The following TSPAN9 variants were observed in gnomAD, a reference collection of about 807,000 sequenced individuals.
The protein encoded by TSPAN9 is tetraspanin-9.
In TSPAN9, 16 loss-of-function variants were observed where a neutral mutation model predicts 31.0. The ratio of observed to expected loss-of-function variants is 0.52; its 90% CI spans 0.35 to 0.78. The LOEUF (loss-of-function observed/expected upper bound fraction) is 0.78. TSPAN9 is among the 30% of genes least tolerant of loss of function. The pLI, the probability that TSPAN9 is intolerant of heterozygous loss-of-function variation, is 0.01. For synonymous variants in TSPAN9, 145 were observed against 121.6 expected (o/e 1.19, Z -1.27); for missense variants, 272 against 312.5 (o/e 0.87, Z 0.98).
chr12:3,121,543 T>G lies in TSPAN9; in HGVS notation c.-18+37824T>G, dbSNP rs1279521314. Among the ~76,000 whole-genome samples the G allele has an allele frequency of 8.6e-5, 12 of 139,878 alleles. No homozygotes were observed. In the East Asian group the frequency reaches 1.8e-3, roughly 21 times the overall value. The allele number at this position is 139,878 out of a possible 152,430, so 91.8% of individuals were successfully genotyped here. ...TCTGGCTAATTAAAACTTTTTTTTT[T>G]TTTTTTTTTTTTTTTGTAGAGACAA... On this transcript the variant is annotated intron_variant, in intron 2 of 8. Coordinates refer to ENST00000011898, the MANE Select transcript of TSPAN9 (RefSeq NM_006675.5).
intron 3 of TSPAN9, among the ~76,000 whole-genome samples, chr12:3,203,910 G>A (rs886123340): frequency 6.6e-6 from 1 of 152,170 alleles, no homozygotes; most frequent in Non-Finnish European, 1.5e-5. Context: ...CTGCAGGCTG[G>A]TGCTTGGCCT....
chr12:3,235,514 T>A (rs1377790273), intron 3 of TSPAN9, among the ~76,000 whole-genome samples: 1 of 151,764 alleles, frequency 6.6e-6, no homozygotes, highest in Non-Finnish European at 1.5e-5. Context: ...TCAGAGGAGA[T>A]CATGTTTGTG....
At chr12:3,124,565 C>A (rs1012546174) in intron 2 of TSPAN9, among the ~76,000 whole-genome samples, 1 of 151,780 alleles carries the variant, frequency 6.6e-6, no homozygotes, top group Admixed American at 6.6e-5. Context: ...GCACAACCAA[C>A]ACGCGTGGCT....
intron 2 of TSPAN9, among the ~76,000 whole-genome samples, chr12:3,181,719 A>T (rs768893779): frequency 1.7e-4 from 26 of 152,274 alleles, no homozygotes; most frequent in Admixed American, 1.4e-3. Flanking sequence ...ACTGGGACTC[A>T]CACCTGGGCC....
chr12:3,136,942 C>G (rs1001606900), intron 2 of TSPAN9, among the ~76,000 whole-genome samples: 1 of 152,214 alleles, frequency 6.6e-6, no homozygotes, highest in African/African-American at 2.4e-5. Flanking sequence ...TGCCAGAACC[C>G]CTGCCCCGTC....
chr12:3,190,328 G>T (rs1178798230), intron 2 of TSPAN9, among the ~76,000 whole-genome samples: 2 of 152,376 alleles, frequency 1.3e-5, no homozygotes, highest in African/African-American at 4.8e-5. Context: ...ATAAGTCGCA[G>T]GCTTCATCAC....
In TSPAN9 at chr12:3,138,227, G is replaced by C. The variant is rs142233069; in HGVS notation, c.-18+54508G>C. Among the ~76,000 whole-genome samples the C allele has an allele frequency of 8.4e-3, 1,278 of 152,298 alleles. 10 individuals are homozygous for C. Among genetic ancestry groups the C allele is most frequent in the Non-Finnish European group, 0.015 (994 of 68,010 alleles). ...TGGGGCGGGTGTAGCTGGCACACCTGTTAGGAATGAGGCATCTCCTTAGTG... is the reference window on the plus strand; with the variant it reads ...TGGGGCGGGTGTAGCTGGCACACCTCTTAGGAATGAGGCATCTCCTTAGTG... On this transcript the variant is annotated intron_variant, in intron 2 of 8. Coordinates refer to ENST00000011898, the MANE Select transcript of TSPAN9 (RefSeq NM_006675.5).
Position 3,077,419 on chromosome 12 carries a change from G to C in TSPAN9, c.-119G>C, listed in dbSNP as rs1231531060. Reference sequence around the variant, plus strand: ...GGCGGCGGCGGCGGTGCCGGAGCGCGAGCAGAGCGGAGACCCCCAGGTCCT... The same window carrying C: ...GGCGGCGGCGGCGGTGCCGGAGCGCCAGCAGAGCGGAGACCCCCAGGTCCT... On this transcript the variant is annotated 5_prime_UTR_variant, in exon 1 of 9. Coordinates refer to ENST00000011898, the MANE Select transcript of TSPAN9 (RefSeq NM_006675.5). The C allele has an allele frequency of 6.6e-6, 1 of 151,094 alleles. No individual in the cohort carries two copies. The highest frequency in any genetic ancestry group is 1.5e-5 in the Non-Finnish European group (1 of 67,900). 9.4% of individuals were successfully genotyped at this position (151,094 alleles called of 1,614,324 possible). A position where few individuals can be genotyped will look rare whatever the true frequency, so the allele number is the denominator to read the frequency against.
chr12:3,268,071 A>G (rs1030893294), intron 3 of TSPAN9, among the ~76,000 whole-genome samples: 7 of 152,216 alleles, frequency 4.6e-5, no homozygotes, highest in African/African-American at 1.4e-4. Context: ...CGAAGCCTCC[A>G]GTGGAGGCCA....
At chr12:3,227,358 G>C (rs1172072522) in intron 3 of TSPAN9, among the ~76,000 whole-genome samples, 1 of 152,172 alleles carries the variant, frequency 6.6e-6, no homozygotes, top group African/African-American at 2.4e-5. Context: ...AGGCTTTGGA[G>C]AGCAGCTTTA....
At chr12:3,109,776 C>T (rs1181493397) in intron 2 of TSPAN9, among the ~76,000 whole-genome samples, 3 of 113,852 alleles carry the variant, frequency 2.6e-5, no homozygotes, top group Non-Finnish European at 5.2e-5. Flanking sequence ...CCAGCCTGGG[C>T]AACAAGAGCA....
intron 3 of TSPAN9, among the ~76,000 whole-genome samples, chr12:3,227,035 C>A (rs927146074): frequency 6.6e-6 from 1 of 151,376 alleles, no homozygotes; most frequent in African/African-American, 2.4e-5. Flanking sequence ...CTGACACTTA[C>A]CTGCATGTCT....
At chr12:3,265,584 G>T (rs913104851) in intron 3 of TSPAN9, among the ~76,000 whole-genome samples, 14 of 152,186 alleles carry the variant, frequency 9.2e-5, no homozygotes, top group Non-Finnish European at 1.3e-4. Context: ...AGCAAAGCAG[G>T]TAGTCGCCCT....
intron 2 of TSPAN9, among the ~76,000 whole-genome samples, chr12:3,096,296 G>T (rs1329227091): frequency 2.6e-5 from 4 of 152,132 alleles, no homozygotes; most frequent in African/African-American, 9.7e-5. Flanking sequence ...TCTACCTCCC[G>T]ATTCCCCACG....
intron 3 of TSPAN9, among the ~76,000 whole-genome samples, chr12:3,206,886 A>G (rs912131139): frequency 2.0e-5 from 3 of 152,234 alleles, no homozygotes; most frequent in South Asian, 2.1e-4. Flanking sequence ...TGAAGGATGA[A>G]TAGGAGCTTG....
chr12:3,242,817 T>G (rs1246122651), intron 3 of TSPAN9, among the ~76,000 whole-genome samples: 1 of 152,244 alleles, frequency 6.6e-6, no homozygotes, highest in African/African-American at 2.4e-5. Context: ...TCATGTCTAT[T>G]CTGGTTTCTT....
At chr12:3,238,042 C>CCTTCCCTCCT (rs1266773709) in intron 3 of TSPAN9, among the ~76,000 whole-genome samples, 1 of 152,108 alleles carries the variant, frequency 6.6e-6, no homozygotes, top group African/African-American at 2.4e-5. Context: ...CTCTCCTCTT[C>CCTTCCCTCCT]CTTCCCTCCT....
intron 3 of TSPAN9, among the ~76,000 whole-genome samples, chr12:3,223,054 C>A (rs1226118879): frequency 6.6e-6 from 1 of 152,242 alleles, no homozygotes; most frequent in African/African-American, 2.4e-5. Flanking sequence ...CTGTCCTCCC[C>A]TGTCTATTAA....
At chr12:3,086,740 C>A (rs981451798) in intron 2 of TSPAN9, among the ~76,000 whole-genome samples, 1 of 152,228 alleles carries the variant, frequency 6.6e-6, no homozygotes, top group African/African-American at 2.4e-5. Flanking sequence ...CTAACTCTCA[C>A]AGCACGTTTG....
Sources: gnomAD v4.1 joint callset for allele counts (sites outside exome capture counted in the v4.1 genomes callset) on GRCh38, gnomAD v4.1.1 for gene constraint, MANE v1.5 for transcripts, NCBI Gene and HGNC (gene_info 2026-07-23, HGNC 2026-07-21) for gene names.